STXBP5L: variants seen among roughly 807,000 people sequenced by gnomAD.
STXBP5L encodes syntaxin-binding protein 5-like.
A neutral mutation model predicts 144.5 loss-of-function variants in STXBP5L; 65 were observed. The observed-to-expected ratio is 0.45, with a 90% confidence interval of 0.37 to 0.55. STXBP5L has a LOEUF of 0.55. Among genes scored for constraint, STXBP5L ranks in the 20% least tolerant of loss-of-function variants. STXBP5L has a pLI of 0.00. For missense variants in STXBP5L, 1,298 were observed against 1,405.5 expected (o/e 0.92, Z 1.22); for synonymous variants, 505 against 469.6 (o/e 1.08, Z -0.97).
intron 18 of STXBP5L, among the ~76,000 whole-genome samples, chr3:121,272,222 G>A (rs893659768): frequency 1.3e-5 from 2 of 152,162 alleles, no homozygotes; most frequent in Non-Finnish European, 2.9e-5. Flanking sequence ...AAGTGAGAGT[G>A]TTGAAATGCC....
intron 3 of STXBP5L, among the ~76,000 whole-genome samples, chr3:121,039,733 C>T (rs950085043): frequency 2.0e-5 from 3 of 151,558 alleles, no homozygotes; most frequent in Non-Finnish European, 3.0e-5. Flanking sequence ...AATTTTATCT[C>T]TTCTCTCCCT....
chr3:121,043,645 G>T (rs1449815095), intron 4 of STXBP5L, among the ~76,000 whole-genome samples: 10 of 152,118 alleles, frequency 6.6e-5, no homozygotes. Flanking sequence ...GGAGGCAGAG[G>T]TTGCAGTGAG....
intron 3 of STXBP5L, among the ~76,000 whole-genome samples, chr3:121,028,610 C>CA (rs1946135557): frequency 6.6e-6 from 1 of 151,982 alleles, no homozygotes; most frequent in South Asian, 2.1e-4. Context: ...TATTTACAGT[C>CA]AGTTTTCAAA....
chr3:121,321,176 C>G (rs2043958312), intron 20 of STXBP5L, among the ~76,000 whole-genome samples: 1 of 152,154 alleles, frequency 6.6e-6, no homozygotes, highest in African/African-American at 2.4e-5. Context: ...GTCTACTAGA[C>G]AGGTCCCACT....
intron 3 of STXBP5L, among the ~76,000 whole-genome samples, chr3:120,965,862 G>T (rs1480036324): frequency 6.6e-6 from 1 of 152,182 alleles, no homozygotes; most frequent in Non-Finnish European, 1.5e-5. Context: ...ATAATAACCT[G>T]AAGAGTGTTT....
chr3:121,234,536 T>A (rs2049412595), intron 12 of STXBP5L, among the ~76,000 whole-genome samples: 2 of 152,174 alleles, frequency 1.3e-5, no homozygotes, highest in Non-Finnish European at 2.9e-5. Flanking sequence ...TTAAAGATTG[T>A]CTCCCCACTA....
In STXBP5L at chr3:121,422,277, C is replaced by T. The variant is rs757502475; in HGVS notation, c.*3180C>T. 6.6e-6 allele frequency: 1 copy of T among 152,206 alleles called. No homozygotes were observed. The highest frequency in any genetic ancestry group is 1.5e-5 in the Non-Finnish European group (1 of 68,028). 9.4% of individuals were successfully genotyped at this position (152,206 alleles called of 1,614,324 possible). ...ACTTGGACAATGATACAGAAAGTGA[C>T]TCTGAGCCTTAGTTACCATCAAAAT... On this transcript the variant is annotated 3_prime_UTR_variant, in exon 27 of 27. Coordinates refer to ENST00000471454, the MANE Select transcript of STXBP5L (RefSeq NM_001308330.2).
chr3:121,058,782 G>A (rs552506502), intron 5 of STXBP5L, among the ~76,000 whole-genome samples: 24 of 152,186 alleles, frequency 1.6e-4, no homozygotes, highest in African/African-American at 5.3e-4. Context: ...TTCTTTTGAG[G>A]AGTGTCTGTT....
intron 2 of STXBP5L, among the ~76,000 whole-genome samples, chr3:120,921,151 C>T (rs1370057952): frequency 1.3e-5 from 2 of 151,712 alleles, no homozygotes; most frequent in Non-Finnish European, 3.0e-5. Flanking sequence ...TTACCTGTCT[C>T]TTTTATAAAA....
At chr3:121,357,933 C>G (rs2045581981) in intron 20 of STXBP5L, 1 of 152,032 alleles carries the variant, frequency 6.6e-6, no homozygotes, top group Non-Finnish European at 1.5e-5. Flanking sequence ...AGTGGAAAAG[C>G]AATATTTTAA....
chr3:121,377,326 A>G (rs532549485), intron 20 of STXBP5L, among the ~76,000 whole-genome samples: 3 of 152,372 alleles, frequency 2.0e-5, no homozygotes, highest in Non-Finnish European at 2.9e-5. Context: ...AAAAGCCAAC[A>G]TTGACAAATG....
intron 18 of STXBP5L, among the ~76,000 whole-genome samples, chr3:121,261,313 C>T (rs759090921): frequency 1.5e-4 from 23 of 152,124 alleles, no homozygotes; most frequent in Non-Finnish European, 2.8e-4. Flanking sequence ...AATCCTAGTT[C>T]ATGTGGCTAC....
chr3:121,119,975 C>G (rs932659966), intron 6 of STXBP5L, among the ~76,000 whole-genome samples: 7 of 150,950 alleles, frequency 4.6e-5, no homozygotes, highest in African/African-American at 1.7e-4. Flanking sequence ...TAGTGTTTCC[C>G]AAAACAAATT....
chr3:121,053,679 C>T (rs1948214183), intron 5 of STXBP5L, among the ~76,000 whole-genome samples: 1 of 152,150 alleles, frequency 6.6e-6, no homozygotes, highest in Non-Finnish European at 1.5e-5. Context: ...TAGGCATGGG[C>T]AAGGACTTCA....
At chr3:120,944,035 T>A (rs1422844719) in intron 2 of STXBP5L, among the ~76,000 whole-genome samples, 1 of 151,528 alleles carries the variant, frequency 6.6e-6, no homozygotes, top group Non-Finnish European at 1.5e-5. Flanking sequence ...TTTAAAAAAA[T>A]TAGCCCCAGG....
chr3:120,929,408 T>G (rs1370962144), intron 2 of STXBP5L, among the ~76,000 whole-genome samples: 1 of 152,226 alleles, frequency 6.6e-6, no homozygotes, highest in Non-Finnish European at 1.5e-5. Context: ...GGATCTTATA[T>G]AGAATTTTAC....
intron 25 of STXBP5L, 137 bp downstream of exon 25, chr3:121,416,105 T>G (rs1260262180): frequency 3.2e-6 from 2 of 625,952 alleles, no homozygotes; most frequent in Non-Finnish European, 5.4e-6. Context: ...TCTTAAAGTT[T>G]GAATATTTGT....
intron 8 of STXBP5L, among the ~76,000 whole-genome samples, chr3:121,153,054 A>G (rs1293704484): frequency 1.3e-5 from 2 of 152,226 alleles, no homozygotes; most frequent in Non-Finnish European, 1.5e-5. Context: ...AAAATTTTGT[A>G]AATAGTAATA....
At chr3:121,286,367 A>C (rs534121824) in intron 19 of STXBP5L, among the ~76,000 whole-genome samples, 1 of 152,326 alleles carries the variant, frequency 6.6e-6, no homozygotes, top group African/African-American at 2.4e-5. Flanking sequence ...TTTAAGAAAC[A>C]AAAATCAGCA....
Sources: allele counts gnomAD v4.1 joint callset (sites outside exome capture counted in the v4.1 genomes callset), GRCh38; gene constraint gnomAD v4.1.1; transcripts MANE v1.5; gene names NCBI Gene and HGNC (gene_info 2026-07-23, HGNC 2026-07-21).